The following PCDHGB6 variants were observed in gnomAD, a reference collection of about 807,000 sequenced individuals.
The protein encoded by PCDHGB6 is protocadherin gamma subfamily B, 6, also known as protocadherin gamma-B6.
In PCDHGB6, 51 loss-of-function variants were observed where a neutral mutation model predicts 59.1. That is an observed-to-expected ratio of 0.86 (90% CI 0.69 to 1.09). PCDHGB6 has a LOEUF of 1.09. Ranked by LOEUF, PCDHGB6 falls within the 50% of genes least tolerant of loss-of-function variation. PCDHGB6 has a pLI of 0.00. For synonymous variants in PCDHGB6, 466 were observed against 495.1 expected (o/e 0.94, Z 0.78); for missense variants, 1,148 against 1,205.1 (o/e 0.95, Z 0.70).
In PCDHGB6 at chr5:141,489,576, C is replaced by T; in HGVS notation, c.2419-5231C>T. 1.9e-6 allele frequency: 3 copies of T among 1,614,054 alleles called. No individual in the cohort carries two copies. Among genetic ancestry groups the T allele is most frequent in the Non-Finnish European group, 2.5e-6 (3 of 1,179,976 alleles). Reference sequence around the variant, plus strand: ...TGCCAGTGCAGGTGGTGACTGAACACCCCCTGGAGCTAATCCGTGTAGAGG... The same window carrying T: ...TGCCAGTGCAGGTGGTGACTGAACATCCCCTGGAGCTAATCCGTGTAGAGG... On this transcript the variant is annotated intron_variant, in intron 1 of 3. Coordinates refer to ENST00000520790, the MANE Select transcript of PCDHGB6 (RefSeq NM_018926.3). This position sits in a 1 kb window ranked among gnomAD's most constrained non-coding sequence, Gnocchi z 4.5.
In PCDHGB6 at chr5:141,432,571, G is replaced by A. The variant is rs776214748; in HGVS notation, c.2418+21951G>A. On this transcript the variant is annotated intron_variant, in intron 1 of 3. Coordinates refer to ENST00000520790, the MANE Select transcript of PCDHGB6 (RefSeq NM_018926.3). The surrounding 1 kb of genome is among the most constrained non-coding windows in gnomAD (Gnocchi z 6.0). ...GAGACTCCGGCCAGAACGCCTGGCT[G>A]TCCTACCGTCTGCTCAAGGCCAGCG... is the stretch of plus-strand genomic sequence containing the variant. 1.2e-6 allele frequency: 2 copies of A among 1,613,954 alleles called. No homozygotes were observed. Among genetic ancestry groups the A allele is most frequent in the South Asian group, 1.1e-5 (1 of 91,068 alleles).
intron 1 of PCDHGB6, among the ~76,000 whole-genome samples, chr5:141,434,819 A>G (rs2097719619): frequency 6.6e-6 from 1 of 151,946 alleles, no homozygotes; most frequent in Admixed American, 6.6e-5. Flanking sequence ...TATATCCCTT[A>G]GTACACTTGG....
chr5:141,413,910 C>T, intron 1 of PCDHGB6: 1 of 1,613,376 alleles, frequency 6.2e-7, no homozygotes, highest in Non-Finnish European at 8.5e-7. Flanking sequence ...ACGCGCCGGT[C>T]TTCACCTTGC....
intron 1 of PCDHGB6, chr5:141,423,620 C>T: frequency 6.2e-7 from 1 of 1,608,268 alleles, no homozygotes; most frequent in Middle Eastern, 1.7e-4. Context: ...GCTGAAGACT[C>T]AGCTATCATT....
chr5:141,418,589 C>G lies in PCDHGB6; in HGVS notation c.2418+7969C>G, dbSNP rs184213052. ...CAATGACAACCCCCCAGTGTTCAGC[C>G]AGGACGTGTACAGGGTTAGCCTTCG... On this transcript the variant is annotated intron_variant, in intron 1 of 3. Transcript: ENST00000520790. 5.5e-4 allele frequency: 884 copies of G among 1,614,012 alleles called. 4 individuals carry two copies. Among genetic ancestry groups the G allele is most frequent in the South Asian group, 4.0e-3 (361 of 91,086 alleles).
At position 141,487,144 on chromosome 5, in the gene PCDHGB6, C is replaced by T. The variant is rs2099640304; in HGVS notation, c.2419-7663C>T. The T allele has an allele frequency of 6.2e-7, 1 of 1,614,032 alleles. No homozygotes were observed. Among genetic ancestry groups the T allele is most frequent in the African/African-American group, 1.3e-5 (1 of 75,056 alleles). On this transcript the variant is annotated intron_variant, in intron 1 of 3. Coordinates refer to ENST00000520790, the MANE Select transcript of PCDHGB6 (RefSeq NM_018926.3). This position sits in a 1 kb window ranked among gnomAD's most constrained non-coding sequence, Gnocchi z 5.0. ...ATAGTGGTAGTCCACCACTCTCTAC[C>T]TCTGTTACTCTCTTAGTGTCCTTAG...
At position 141,409,019 on chromosome 5, in the gene PCDHGB6, G is replaced by T; in HGVS notation, c.817G>T (p.Val273Phe). 2.5e-6 allele frequency: 4 copies of T among 1,613,996 alleles called. No homozygotes were observed. The South Asian group carries it at 3.3e-5, about 13-fold the overall frequency. The change falls in exon 1 of 4, where the codon GTC (valine) becomes TTC (phenylalanine). Residue 273 changes from valine (V) to phenylalanine (F), a missense_variant. This residue lies in a region of PCDHGB6 where 549 missense variants were observed against 527.5 expected (regional missense o/e 1.04). Coordinates refer to ENST00000520790, the MANE Select transcript of PCDHGB6 (RefSeq NM_018926.3). Reference protein sequence around the residue: ...QVTATDQDEGVNAEINYYFRS... With the variant: ...QVTATDQDEGFNAEINYYFRS... The stretch of plus-strand genomic sequence containing the variant: ...GACAGCCACTGACCAGGATGAGGGG[G>T]TCAATGCTGAGATAAACTACTACTT...
At position 141,477,262 on chromosome 5, in the gene PCDHGB6, C is replaced by G; in HGVS notation, c.2419-17545C>G. On this transcript the variant is annotated intron_variant, in intron 1 of 3. Coordinates refer to ENST00000520790, the MANE Select transcript of PCDHGB6 (RefSeq NM_018926.3). The surrounding 1 kb of genome is among the most constrained non-coding windows in gnomAD (Gnocchi z 4.9). ...TCAGTGTGACTGACCTGGATGCTGG[C>G]GAGAACGGGCTGGTGACCTGCGAAG... The G allele has an allele frequency of 6.2e-7, 1 of 1,614,138 alleles. No homozygotes were observed.
intron 2 of PCDHGB6, among the ~76,000 whole-genome samples, chr5:141,503,700 C>G (rs2099828974): frequency 6.6e-6 from 1 of 152,016 alleles, no homozygotes; most frequent in Non-Finnish European, 1.5e-5. Flanking sequence ...GAGATTCCTG[C>G]TTTCCCCTTC....
At chr5:141,429,925 A>G (rs1009987955) in intron 1 of PCDHGB6, among the ~76,000 whole-genome samples, 5 of 152,244 alleles carry the variant, frequency 3.3e-5, no homozygotes, top group African/African-American at 1.2e-4. Flanking sequence ...TATTAATAGA[A>G]TTCTGGAGTA....
intron 1 of PCDHGB6, among the ~76,000 whole-genome samples, chr5:141,447,688 G>A (rs188511217): frequency 1.4e-4 from 22 of 152,258 alleles, no homozygotes; most frequent in African/African-American, 4.3e-4. Context: ...TATCTTGATA[G>A]AGGGATGGGT....
intron 1 of PCDHGB6, among the ~76,000 whole-genome samples, chr5:141,425,165 A>G (rs1391395593): frequency 6.6e-6 from 1 of 152,140 alleles, no homozygotes; most frequent in Non-Finnish European, 1.5e-5. Flanking sequence ...TAGGGATAGG[A>G]TTTATACTTG....
At position 141,473,628 on chromosome 5, in the gene PCDHGB6, A is replaced by T. The variant is rs533175704; in HGVS notation, c.2419-21179A>T. The stretch of plus-strand genomic sequence containing the variant: ...AAAGCAAAGGGAGGGAGGAAAAAGC[A>T]GCTTTCCTGGCAAAGGAACAATTTG... On this transcript the variant is annotated intron_variant, in intron 1 of 3. Transcript: ENST00000520790. 4.6e-5 allele frequency among the ~76,000 whole-genome samples: 7 copies of T among 152,334 alleles called. No individual in the cohort carries two copies. In the South Asian group the frequency reaches 1.4e-3, roughly 32 times the overall value.
chr5:141,494,323 A>T (rs1188768690), intron 1 of PCDHGB6, among the ~76,000 whole-genome samples: 1 of 152,210 alleles, frequency 6.6e-6, no homozygotes, highest in Non-Finnish European at 1.5e-5. Flanking sequence ...CCTGGCACCA[A>T]AAGGGTTACC....
At chr5:141,463,417 G>A (rs548514637) in intron 1 of PCDHGB6, among the ~76,000 whole-genome samples, 1 of 146,650 alleles carries the variant, frequency 6.8e-6, no homozygotes, top group South Asian at 2.2e-4. Context: ...ATCCTAGTTT[G>A]CGGATCCTCA....
chr5:141,455,495 G>C (rs2098824459), intron 1 of PCDHGB6, among the ~76,000 whole-genome samples: 1 of 152,204 alleles, frequency 6.6e-6, no homozygotes, highest in East Asian at 1.9e-4. Flanking sequence ...GGTGATGTCT[G>C]ATTTGCATAG....
intron 1 of PCDHGB6, chr5:141,422,160 A>C: frequency 6.4e-7 from 1 of 1,573,304 alleles, no homozygotes; most frequent in South Asian, 1.2e-5. Context: ...TGGATTTTGA[A>C]AAATATAGAT....
At chr5:141,444,752 T>C (rs1376810825) in intron 1 of PCDHGB6, among the ~76,000 whole-genome samples, 2 of 152,228 alleles carry the variant, frequency 1.3e-5, no homozygotes, top group Non-Finnish European at 2.9e-5. Context: ...CTGATATATG[T>C]AGTTCTATTT....
rs1057374827 is a variant in PCDHGB6, at chr5:141,485,503, C to G, written c.2419-9304C>G. 3.1e-6 allele frequency: 5 copies of G among 1,613,978 alleles called. No homozygotes were observed. Among genetic ancestry groups the G allele is most frequent in the Non-Finnish European group, 4.2e-6 (5 of 1,180,016 alleles). On this transcript the variant is annotated intron_variant, in intron 1 of 3. Coordinates refer to ENST00000520790, the MANE Select transcript of PCDHGB6 (RefSeq NM_018926.3). This position sits in a 1 kb window ranked among gnomAD's most constrained non-coding sequence, Gnocchi z 5.7. ...GCATCGTGCCCCTGGAGTTTGTCACCGAAGGTCCTTTGGAAATGTACCGAG... is the reference window on the plus strand; with the variant it reads ...GCATCGTGCCCCTGGAGTTTGTCACGGAAGGTCCTTTGGAAATGTACCGAG...
Sources: allele counts gnomAD v4.1 joint callset (sites outside exome capture counted in the v4.1 genomes callset), GRCh38; gene constraint gnomAD v4.1.1; regional missense constraint gnomAD v4.1.1; non-coding constraint Gnocchi (gnomAD v3.1); transcripts MANE v1.5; gene names NCBI Gene and HGNC (gene_info 2026-07-23, HGNC 2026-07-21).